CYP2E1: variants seen among roughly 807,000 people sequenced by gnomAD.
CYP2E1 encodes cytochrome P450 2E1.
CYP2E1 carries 31 observed loss-of-function variants against 42.9 expected under a neutral mutation model. The observed-to-expected ratio is 0.72, with a 90% CI of 0.54 to 0.98. CYP2E1 has a LOEUF of 0.98. Ranked by LOEUF, CYP2E1 falls within the 50% of genes least tolerant of loss-of-function variation. CYP2E1 has a pLI of 0.00. For synonymous variants in CYP2E1, 244 were observed against 248.9 expected, an observed-to-expected ratio of 0.98 and a Z score of 0.19; for missense variants, 565 against 633.2, an observed-to-expected ratio of 0.89 and a Z score of 1.16.
At chr10:133,528,285 C>T (rs1025437237) in intron 1 of CYP2E1, 196 bp from the exon 2 acceptor site, 2 of 610,742 alleles carry the variant, frequency 3.3e-6, no homozygotes, top group Non-Finnish European at 5.6e-6. Context: ...GCTGGAACCC[C>T]CCGAGCGCCC....
At position 133,538,789 on chromosome 10, in the gene CYP2E1, T is replaced by C. The variant is rs761257042; in HGVS notation, c.1307T>C (p.Val436Ala). The C allele has an allele frequency of 6.2e-7, 1 of 1,613,716 alleles. No individual in the cohort carries two copies. The highest frequency in any genetic ancestry group is 8.5e-7 in the Non-Finnish European group (1 of 1,179,810). Residue 436 changes from valine to alanine, a missense_variant, in exon 9 of 9, where the codon GTG becomes GCG. By Grantham distance (64) the Val-to-Ala change is moderately conservative. Transcript: ENST00000252945. ...YFKPFSTGKRVCAGEGLARME... is the reference protein window; with the variant it reads ...YFKPFSTGKRACAGEGLARME... ...CCATTGTTACTTCTAGGAAAACGAG[T>C]GTGTGCTGGAGAAGGCCTGGCTCGC...
chr10:133,538,014 CT>C (rs1354127058), intron 8 of CYP2E1, 122 bp downstream of exon 8: 7 of 929,974 alleles, frequency 7.5e-6, no homozygotes, highest in Non-Finnish European at 9.6e-6. Context: ...ACTGTGTGCC[CT>C]GTTTCTATTG....
At chr10:133,537,383 A>G (rs1851418994) in intron 7 of CYP2E1, 133 bp downstream of exon 7, 2 of 855,976 alleles carry the variant, frequency 2.3e-6, no homozygotes, top group Admixed American at 5.4e-5. Flanking sequence ...GGCTGGCCCC[A>G]CTCCCACCCT....
Position 133,531,468 on chromosome 10 carries a change from C to G in CYP2E1, c.338-117C>G, listed in dbSNP as rs930501648. On this transcript the variant is annotated intron_variant, in intron 2 of 8. Transcript: ENST00000252945. The stretch of plus-strand genomic sequence containing the variant: ...CCTCTGTCTCTCTGTCCCTCTGCCC[C>G]CTCTGTCACTTCTTTATACACCTGT... 1.9e-5 allele frequency: 23 copies of G among 1,211,150 alleles called. No individual in the cohort carries two copies. The African/African-American group carries it at 3.4e-4, about 18-fold the overall frequency. 75.0% of individuals were successfully genotyped at this position (1,211,150 alleles called of 1,614,324 possible).
intron 5 of CYP2E1, among the ~76,000 whole-genome samples, chr10:133,533,285 C>T (rs879809048): frequency 6.6e-6 from 1 of 152,228 alleles, no homozygotes; most frequent in Non-Finnish European, 1.5e-5. Flanking sequence ...GCCCCCTTCC[C>T]ACCTTGGTGA....
At chr10:133,531,941 T>G (rs1425846047) in intron 3 of CYP2E1, 183 bp from the exon 4 acceptor site, 1 of 738,602 alleles carries the variant, frequency 1.4e-6, no homozygotes, top group African/African-American at 1.8e-5. Flanking sequence ...ACGTGACTTG[T>G]ATCCTAAATA....
rs757788272 is a variant in CYP2E1, at chr10:133,537,772, C to G, written c.1177C>G (p.Leu393Val). The G allele has an allele frequency of 1.9e-6, 3 of 1,613,962 alleles. No homozygotes were observed. Among genetic ancestry groups the G allele is most frequent in the Non-Finnish European group, 2.5e-6 (3 of 1,179,854 alleles). Reference sequence around the variant, plus strand: ...CTAGGGCACAGTCGTAGTGCCAACTCTGGACTCTGTTTTGTATGACAACCA... The same window carrying G: ...CTAGGGCACAGTCGTAGTGCCAACTGTGGACTCTGTTTTGTATGACAACCA... ...IPKGTVVVPTLDSVLYDNQEF... is the reference protein window; with the variant it reads ...IPKGTVVVPTVDSVLYDNQEF... The change falls in exon 8 of 9, where the codon CTG (leucine) becomes GTG (valine). Residue 393 changes from leucine (L) to valine (V), a missense_variant. Coordinates refer to ENST00000252945, the MANE Select transcript of CYP2E1 (RefSeq NM_000773.4).
At chr10:133,538,040 A>C in intron 8 of CYP2E1, 148 bp downstream of exon 8, 3 of 686,984 alleles carry the variant, frequency 4.4e-6, no homozygotes, top group Non-Finnish European at 7.1e-6. Context: ...CATGACCCAA[A>C]TGTGCTCTTC....
chr10:133,532,022 G>A (rs750134672), intron 3 of CYP2E1, 102 bp from the exon 4 acceptor site: 47 of 1,122,548 alleles, frequency 4.2e-5, no homozygotes, highest in Non-Finnish European at 6.0e-5. Flanking sequence ...CAGTTTTCAG[G>A]GCACCTTCTC....
At chr10:133,528,801 C>T (rs1851303625) in intron 2 of CYP2E1, among the ~76,000 whole-genome samples, 161 bp downstream of exon 2, 1 of 152,246 alleles carries the variant, frequency 6.6e-6, no homozygotes, top group Non-Finnish European at 1.5e-5. Context: ...GGCCCCCGCG[C>T]GTTGCCTGCG....
At chr10:133,534,864 ATTTAT>A (rs1477120635) in intron 6 of CYP2E1, among the ~76,000 whole-genome samples, 59 of 71,320 alleles carry the variant, frequency 8.3e-4, no homozygotes, top group African/African-American at 2.4e-3. Context: ...CTTTTTATTT[ATTTAT>A]TTTTTTTTTT....
intron 6 of CYP2E1, among the ~76,000 whole-genome samples, chr10:133,536,617 GTGGGT>G (rs1564849718): frequency 5.6e-5 from 2 of 36,018 alleles, no homozygotes; most frequent in Admixed American, 2.4e-4. Context: ...GGGTGGGTGG[GTGGGT>G]GGATGGATGG....
At chr10:133,531,025 T>C (rs2771202) in intron 2 of CYP2E1, among the ~76,000 whole-genome samples, 151,297 of 152,310 alleles carry the variant, frequency 0.99, 75,149 homozygotes, top group Middle Eastern at 1. Context: ...CTCAGAAGGG[T>C]GCAGTAGGGA....
chr10:133,538,400 C>T (rs1219203849), intron 8 of CYP2E1, among the ~76,000 whole-genome samples: 19 of 152,146 alleles, frequency 1.2e-4, no homozygotes, highest in African/African-American at 4.3e-4. Context: ...ACAACCAACT[C>T]CATACTTTTC....
Position 133,528,093 on chromosome 10 carries a change from CG to C in CYP2E1, c.178-385del, listed in dbSNP as rs41299402. The C allele has an allele frequency of 3.3e-5, 8 of 240,116 alleles. No individual in the cohort carries two copies. In the East Asian group the frequency reaches 8.0e-4, roughly 24 times the overall value. 14.9% of individuals were successfully genotyped at this position (240,116 alleles called of 1,614,324 possible). ...CGCTCTGTGGGGCGCAGGCTGACGG[CG>C]GGCGGGGGTCGCCTGCTCCAGCTCG... On this transcript the variant is annotated intron_variant, in intron 1 of 8. Transcript: ENST00000252945.
intron 1 of CYP2E1, among the ~76,000 whole-genome samples, chr10:133,527,810 A>C (rs2133592373): frequency 6.6e-6 from 1 of 152,184 alleles, no homozygotes; most frequent in East Asian, 1.9e-4. Flanking sequence ...GGGGCTGATG[A>C]TGGGGAGGCC....
chr10:133,536,756 G>A (rs1851407847), intron 6 of CYP2E1, among the ~76,000 whole-genome samples: 2 of 31,120 alleles, frequency 6.4e-5, no homozygotes, highest in Non-Finnish European at 3.6e-4. Flanking sequence ...TGGGTGGATG[G>A]ATGGGTGGTT....
At chr10:133,537,003 G>GTGGATGATGGT in intron 6 of CYP2E1, 60 bp from the exon 7 acceptor site, 1 of 1,515,984 alleles carries the variant, frequency 6.6e-7, no homozygotes, top group Non-Finnish European at 9.1e-7. Flanking sequence ...TGGATGATGG[G>GTGGATGATGGT]TGGATGCCCA....
chr10:133,531,984 C>A, intron 3 of CYP2E1, 140 bp from the exon 4 acceptor site: 1 of 864,490 alleles, frequency 1.2e-6, no homozygotes. Flanking sequence ...CAAACAGGTT[C>A]AGACATTCAC....
Sources: allele counts gnomAD v4.1 joint callset (sites outside exome capture counted in the v4.1 genomes callset), GRCh38; gene constraint gnomAD v4.1.1; transcripts MANE v1.5; gene names NCBI Gene and HGNC (gene_info 2026-07-23, HGNC 2026-07-21).